The following EDARADD variants were observed in gnomAD, a reference collection of about 807,000 sequenced individuals.
EDARADD encodes the protein EDAR associated via death domain.
Under a neutral mutation model 25.6 loss-of-function variants are expected in EDARADD, and 20 were observed. The ratio of observed to expected loss-of-function variants is 0.78; its 90% CI spans 0.55 to 1.14. The LOEUF (loss-of-function observed/expected upper bound fraction) is 1.14, where lower values mean the gene tolerates loss of function less well. Among genes scored for constraint, EDARADD ranks in the 50% most tolerant of loss-of-function variants. EDARADD has a pLI of 0.00. For synonymous variants in EDARADD, 86 were observed against 94.4 expected (o/e 0.91, Z 0.52); for missense variants, 225 against 270.1 (o/e 0.83, Z 1.17).
chr1:236,464,317 A>T (rs577839266), intron 4 of EDARADD, among the ~76,000 whole-genome samples: 112 of 146,060 alleles, frequency 7.7e-4, no homozygotes, highest in Admixed American at 2.7e-3. Flanking sequence ...TGGTTCAATG[A>T]TAGCTCACTG....
chr1:236,359,418 T>C (rs1375180248), intron 3 of EDARADD, among the ~76,000 whole-genome samples: 1 of 152,220 alleles, frequency 6.6e-6, no homozygotes, highest in African/African-American at 2.4e-5. Context: ...CCTTCCGCCA[T>C]GTGAGGACAT....
intron 1 of EDARADD, among the ~76,000 whole-genome samples, chr1:236,402,116 C>T (rs770891130): frequency 4.6e-5 from 7 of 152,266 alleles, no homozygotes; most frequent in Non-Finnish European, 5.9e-5. Flanking sequence ...CATCCATCAC[C>T]GTGCCCAGTT....
intron 4 of EDARADD, among the ~76,000 whole-genome samples, chr1:236,433,192 A>G (rs934830467): frequency 8.5e-5 from 13 of 152,050 alleles, no homozygotes; most frequent in African/African-American, 3.1e-4. Context: ...CGCCCATTCC[A>G]CCACTCGAAT....
upstream of EDARADD, among the ~76,000 whole-genome samples, chr1:236,392,040 T>A (rs745326136): frequency 2.0e-5 from 3 of 152,192 alleles, no homozygotes; most frequent in Middle Eastern, 3.2e-3. Flanking sequence ...GCAAATCTCT[T>A]TTGACCACAA....
chr1:236,403,278 G>A (rs1252246374), intron 1 of EDARADD, among the ~76,000 whole-genome samples: 1 of 150,250 alleles, frequency 6.7e-6, no homozygotes, highest in Middle Eastern at 3.4e-3. Flanking sequence ...AGCTTTGAAA[G>A]CTTTTTTCTT....
chr1:236,362,789 G>A (rs1667064621), intron 3 of EDARADD, among the ~76,000 whole-genome samples: 1 of 151,012 alleles, frequency 6.6e-6, no homozygotes, highest in South Asian at 2.1e-4. Context: ...AACATCTGTT[G>A]TAAAGGCCAT....
chr1:236,412,974 G>A (rs1164415569), intron 2 of EDARADD, among the ~76,000 whole-genome samples: 7 of 152,188 alleles, frequency 4.6e-5, no homozygotes, highest in Non-Finnish European at 7.3e-5. Flanking sequence ...GGCAATTCTC[G>A]TAACTCAGCC....
intron 1 of EDARADD, among the ~76,000 whole-genome samples, chr1:236,397,811 T>C (rs969090671): frequency 2.0e-5 from 3 of 152,138 alleles, no homozygotes; most frequent in Admixed American, 1.3e-4. Flanking sequence ...ATTCTGTCTA[T>C]AAAATGAGCG....
At chr1:236,377,447 C>T (rs879924786) in intron 3 of EDARADD, among the ~76,000 whole-genome samples, 2 of 150,892 alleles carry the variant, frequency 1.3e-5, no homozygotes, top group East Asian at 2.0e-4. Flanking sequence ...TGAGCCACCA[C>T]GCCCAGCCCA....
At chr1:236,438,193 C>A (rs563388422) in intron 4 of EDARADD, among the ~76,000 whole-genome samples, 17 of 152,280 alleles carry the variant, frequency 1.1e-4, no homozygotes, top group Non-Finnish European at 1.9e-4. Flanking sequence ...ACCCCAATGA[C>A]CTCATTTTAA....
At chr1:236,431,927 C>CAAAAAAAAAAAA (rs1170622280) in intron 4 of EDARADD, among the ~76,000 whole-genome samples, 5 of 17,992 alleles carry the variant, frequency 2.8e-4, no homozygotes, top group African/African-American at 3.7e-4. Flanking sequence ...GACTCCGTCT[C>CAAAAAAAAAAAA]AAAAAAAAAA....
intron 4 of EDARADD, among the ~76,000 whole-genome samples, chr1:236,453,892 C>CATT (rs1658778013): frequency 6.6e-6 from 1 of 152,132 alleles, no homozygotes; most frequent in Non-Finnish European, 1.5e-5. Context: ...TTAAGTTCTG[C>CATT]ATTATGTTAT....
chr1:236,425,140 C>G (rs907451633), intron 3 of EDARADD, among the ~76,000 whole-genome samples: 1 of 152,158 alleles, frequency 6.6e-6, no homozygotes, highest in Admixed American at 6.5e-5. Flanking sequence ...CAAGTGGGGA[C>G]ATTAAACCCA....
intron 3 of EDARADD, among the ~76,000 whole-genome samples, chr1:236,418,755 G>A (rs1322621684): frequency 6.6e-6 from 1 of 152,174 alleles, no homozygotes; most frequent in Non-Finnish European, 1.5e-5. Context: ...AAGCCAATAT[G>A]TTGTATTTGA....
chr1:236,414,347 T>G (rs1026131996), intron 3 of EDARADD, 48 bp downstream of exon 3: 2 of 1,490,172 alleles, frequency 1.3e-6, no homozygotes, highest in African/African-American at 2.8e-5. Flanking sequence ...ATTTTAATAT[T>G]GTGAACAAAG....
At chr1:236,368,489 G>T (rs1031299871) in intron 3 of EDARADD, among the ~76,000 whole-genome samples, 2 of 141,050 alleles carry the variant, frequency 1.4e-5, no homozygotes, top group Non-Finnish European at 3.0e-5. Context: ...TGCCAAGGCT[G>T]GAGTGCAGTG....
chr1:236,411,477 GTT>G (rs1287959181), intron 2 of EDARADD, among the ~76,000 whole-genome samples: 1 of 151,514 alleles, frequency 6.6e-6, no homozygotes, highest in Non-Finnish European at 1.5e-5. Flanking sequence ...CTCCCAGGGT[GTT>G]TGTGTCTCGT....
At position 236,480,096 on chromosome 1, in the gene EDARADD, CATATATATATAT is replaced by C. The variant is rs72215388; in HGVS notation, c.266-2142_266-2131del. 9.2e-4 allele frequency among the ~76,000 whole-genome samples: 72 copies of C among 77,864 alleles called. 2 individuals carry two copies. In the East Asian group the frequency reaches 0.013, roughly 15 times the overall value. The allele number at this position is 77,864 out of a possible 152,430, so 51.1% of individuals were successfully genotyped here. ...ATCTCAGTGTGCCTTTTAAGTATGC[CATATATATATAT>C]ATATATATATATATATATATATATA... On this transcript the variant is annotated intron_variant, in intron 5 of 5. Coordinates refer to ENST00000334232, the MANE Select transcript of EDARADD (RefSeq NM_145861.4).
intron 4 of EDARADD, among the ~76,000 whole-genome samples, chr1:236,441,634 C>T (rs1658406347): frequency 1.3e-5 from 2 of 151,138 alleles, no homozygotes; most frequent in South Asian, 4.2e-4. Flanking sequence ...AGCGATTCTC[C>T]TGACTCAGCC....
Sources: allele counts gnomAD v4.1 joint callset (sites outside exome capture counted in the v4.1 genomes callset), GRCh38; gene constraint gnomAD v4.1.1; transcripts MANE v1.5; gene names NCBI Gene and HGNC (gene_info 2026-07-23, HGNC 2026-07-21).